CSMD1: variants seen among roughly 807,000 people sequenced by gnomAD.
CSMD1 encodes the protein CUB and sushi domain-containing protein 1.
In CSMD1, 213 loss-of-function variants were observed where a neutral mutation model predicts 417.5. The observed-to-expected ratio is 0.51, with a 90% CI of 0.46 to 0.57. The LOEUF (loss-of-function observed/expected upper bound fraction) is 0.57, where lower values mean the gene tolerates loss of function less well. Ranked by LOEUF, CSMD1 falls within the 20% of genes least tolerant of loss-of-function variation. The pLI, the probability that CSMD1 is intolerant of heterozygous loss-of-function variation, is 0.00. For synonymous variants in CSMD1, 2,862 were observed against 1,736.8 expected (o/e 1.65, Z -16.11); for missense variants, 6,923 against 4,529.7 (o/e 1.53, Z -15.17).
chr8:3,330,999 C>T (rs925121696), intron 23 of CSMD1, among the ~76,000 whole-genome samples: 1 of 151,898 alleles, frequency 6.6e-6, no homozygotes, highest in Non-Finnish European at 1.5e-5. Flanking sequence ...GCCTGTAATC[C>T]CAGGACTTTG....
intron 5 of CSMD1, among the ~76,000 whole-genome samples, chr8:3,944,289 G>T (rs1387740427): frequency 6.6e-6 from 1 of 152,082 alleles, no homozygotes; most frequent in African/African-American, 2.4e-5. Context: ...AATCAAACCT[G>T]TCAGTTTGAG....
chr8:3,963,533 T>A (rs951540728), intron 5 of CSMD1, among the ~76,000 whole-genome samples: 2 of 152,202 alleles, frequency 1.3e-5, no homozygotes, highest in African/African-American at 4.8e-5. Context: ...AAATTTTCTA[T>A]TATAAACATA....
At chr8:3,533,576 T>G (rs895032975) in intron 10 of CSMD1, among the ~76,000 whole-genome samples, 1 of 152,218 alleles carries the variant, frequency 6.6e-6, no homozygotes, top group Non-Finnish European at 1.5e-5. Flanking sequence ...CACACTGCTG[T>G]TGAATGAGAA....
At chr8:4,633,011 T>G (rs531732064) in intron 2 of CSMD1, among the ~76,000 whole-genome samples, 1 of 152,074 alleles carries the variant, frequency 6.6e-6, no homozygotes, top group Non-Finnish European at 1.5e-5. Context: ...TTCTTGAATT[T>G]CAGGGTCATG....
chr8:4,962,196 TTAA>T (rs1391481509), intron 1 of CSMD1, among the ~76,000 whole-genome samples: 40 of 143,278 alleles, frequency 2.8e-4, no homozygotes, highest in Admixed American at 9.0e-4. Flanking sequence ...TGCTTTTTTT[TTAA>T]AAAAAAAAGA....
At chr8:3,415,114 C>T (rs572449002) in intron 12 of CSMD1, among the ~76,000 whole-genome samples, 3 of 152,280 alleles carry the variant, frequency 2.0e-5, no homozygotes, top group African/African-American at 7.2e-5. Flanking sequence ...CTCACATTTA[C>T]ATACTAAATT....
At chr8:4,741,937 A>C (rs958956245) in intron 1 of CSMD1, among the ~76,000 whole-genome samples, 1 of 144,910 alleles carries the variant, frequency 6.9e-6, no homozygotes. Flanking sequence ...GGGCTCAAGG[A>C]ATCTTCCCAT....
At chr8:4,951,393 T>G (rs1808734728) in intron 1 of CSMD1, among the ~76,000 whole-genome samples, 1 of 149,900 alleles carries the variant, frequency 6.7e-6, no homozygotes, top group Non-Finnish European at 1.5e-5. Context: ...GGATCAGAGG[T>G]GTGACTCCTT....
At chr8:2,973,025 T>G in intron 57 of CSMD1, 92 bp downstream of exon 57, 1 of 1,240,356 alleles carries the variant, frequency 8.1e-7, no homozygotes, top group Non-Finnish European at 1.1e-6. Flanking sequence ...AGTACAAACC[T>G]CTAGAATTTT....
intron 1 of CSMD1, among the ~76,000 whole-genome samples, chr8:4,797,622 A>C (rs771002881): frequency 6.6e-6 from 1 of 152,208 alleles, no homozygotes; most frequent in Non-Finnish European, 1.5e-5. Context: ...AAGAGATTGA[A>C]ACAGTATAAA....
intron 2 of CSMD1, among the ~76,000 whole-genome samples, chr8:4,635,377 T>C (rs1439638980): frequency 2.0e-5 from 3 of 152,160 alleles, no homozygotes; most frequent in African/African-American, 4.8e-5. Flanking sequence ...AATGTTGTTT[T>C]ATATTTATTA....
chr8:3,712,230 G>A (rs963751620), intron 6 of CSMD1, among the ~76,000 whole-genome samples: 1 of 152,140 alleles, frequency 6.6e-6, no homozygotes, highest in Non-Finnish European at 1.5e-5. Flanking sequence ...TGACTTGTGG[G>A]TCCAGGGTCC....
chr8:3,569,168 GC>G (rs1398932419), intron 10 of CSMD1, among the ~76,000 whole-genome samples: 1 of 152,112 alleles, frequency 6.6e-6, no homozygotes, highest in Non-Finnish European at 1.5e-5. Flanking sequence ...TTCTTGAGAG[GC>G]CTTTCATTTT....
chr8:4,647,043 G>A lies in CSMD1; in HGVS notation c.86-9485C>T, dbSNP rs138431747. Among the ~76,000 whole-genome samples the A allele has an allele frequency of 1.7e-3, 261 of 152,220 alleles. 1 individual carries two copies. Among genetic ancestry groups the A allele is most frequent in the Non-Finnish European group, 2.9e-3 (194 of 68,006 alleles). On this transcript the variant is annotated intron_variant, in intron 1 of 69. Transcript: ENST00000635120. Reference sequence around the variant, plus strand: ...ACGGCCCTCCTCTAGGCCATCCAAAGTGAGGCCAAGATGGCAGCAAAGTCA... The same window carrying A: ...ACGGCCCTCCTCTAGGCCATCCAAAATGAGGCCAAGATGGCAGCAAAGTCA...
At chr8:4,208,756 G>T (rs769565365) in intron 3 of CSMD1, among the ~76,000 whole-genome samples, 1 of 152,136 alleles carries the variant, frequency 6.6e-6, no homozygotes, top group Non-Finnish European at 1.5e-5. Context: ...ATATATTGTC[G>T]TGGAAATTTT....
At chr8:4,857,123 C>A (rs942332279) in intron 1 of CSMD1, among the ~76,000 whole-genome samples, 17 of 150,964 alleles carry the variant, frequency 1.1e-4, no homozygotes, top group Non-Finnish European at 1.6e-4. Flanking sequence ...CACTCACAAC[C>A]GCTCAACTAC....
chr8:4,696,718 T>C (rs1018558078), intron 1 of CSMD1, among the ~76,000 whole-genome samples: 117 of 152,294 alleles, frequency 7.7e-4, no homozygotes, highest in African/African-American at 2.7e-3. Context: ...CTTTATCTAT[T>C]TCACTAGTAC....
intron 1 of CSMD1, among the ~76,000 whole-genome samples, chr8:4,840,375 T>C (rs1028686779): frequency 7.9e-5 from 12 of 152,228 alleles, no homozygotes; most frequent in African/African-American, 2.9e-4. Flanking sequence ...AACTAGCCGA[T>C]TACTTGCTAC....
intron 5 of CSMD1, among the ~76,000 whole-genome samples, chr8:3,954,441 A>C (rs1200621847): frequency 1.3e-5 from 2 of 151,942 alleles, no homozygotes; most frequent in Non-Finnish European, 2.9e-5. Context: ...ATCTCAGCTC[A>C]CTGCAACCTC....
Sources: allele counts gnomAD v4.1 joint callset (sites outside exome capture counted in the v4.1 genomes callset), GRCh38; gene constraint gnomAD v4.1.1; transcripts MANE v1.5; gene names NCBI Gene and HGNC (gene_info 2026-07-23, HGNC 2026-07-21).